Variants in KRTAP10-3 observed in about 807,000 individuals in gnomAD.
KRTAP10-3 encodes keratin associated protein 10-3, also known as keratin-associated protein 10-3.
For synonymous variants in KRTAP10-3, 151 were observed against 126.2 expected, an observed-to-expected ratio of 1.20 and a Z score of -1.32; for missense variants, 341 against 293.4, an observed-to-expected ratio of 1.16 and a Z score of -1.19.
chr21:44,558,441 G>A lies in KRTAP10-3; in HGVS notation c.275C>T (p.Ser92Phe). ...QSSCQPACCT[S>F]SPCQQACCVP... ...GCAGCAGGCCTGCTGGCAGGGGGAG[G>A]ATGTGCAGCAAGCTGGCTGGCAGCT... Residue 92 changes from serine (S) to phenylalanine (F), a missense_variant, in exon 1 of 1, where the codon TCC becomes TTC. Ser to Phe is a radical substitution (Grantham distance 155). Transcript: ENST00000391620. 6.2e-7 allele frequency: 1 copy of A among 1,614,118 alleles called. No homozygotes were observed. Among genetic ancestry groups the A allele is most frequent in the Non-Finnish European group, 8.5e-7 (1 of 1,179,972 alleles).
Position 44,558,310 on chromosome 21 carries a change from ATG to A in KRTAP10-3, c.404_405del (p.Ser135LeufsTer6), listed in dbSNP as rs1569185256. The A allele has an allele frequency of 1.7e-5, 28 of 1,614,092 alleles. No homozygotes were observed. Among genetic ancestry groups the A allele is most frequent in the Non-Finnish European group, 2.3e-5 (27 of 1,179,968 alleles). On this transcript the variant is annotated frameshift_variant, in exon 1 of 1. Coordinates refer to ENST00000391620, the MANE Select transcript of KRTAP10-3 (RefSeq NM_198696.3). LOFTEE classifies it low-confidence loss of function (END_TRUNC). Reference protein sequence around the residue: ...CVPVCSGASSSCCQQSSRQPA... With the variant: ...CVPVCSGASSXCCQQSSRQPA... ...GGCTGGCGGCTAGACTGCTGGCAGC[ATG>A]AAGAGGAAGCCCCAGAGCAGACGGG...
Position 44,558,128 on chromosome 21 carries a change from G to A in KRTAP10-3, c.588C>T (p.Ser196=), listed in dbSNP as rs2053566642. ...PSCCRPASCV[S]LLCRPTCSRL... ...GGGAGCACGTGGGGCGGCAGAGGAGGGACACGCAGGAGGCCGGGCGGCAGC... is the reference window on the plus strand; with the variant it reads ...GGGAGCACGTGGGGCGGCAGAGGAGAGACACGCAGGAGGCCGGGCGGCAGC... The change falls in exon 1 of 1, where the codon TCC becomes TCT. Residue 196 remains serine, a synonymous_variant. Transcript: ENST00000391620. 6.2e-7 allele frequency: 1 copy of A among 1,613,144 alleles called. No homozygotes were observed. Among genetic ancestry groups the A allele is most frequent in the Non-Finnish European group, 8.5e-7 (1 of 1,179,552 alleles).
rs920967139 is a variant in KRTAP10-3 at position 44,558,690 on chromosome 21, C to A, written c.26G>T (p.Cys9Phe). 3 of 1,611,114 alleles carry A rather than the reference C, an allele frequency of 1.9e-6. No individual in the cohort carries two copies. In the African/African-American group the frequency reaches 4.0e-5, roughly 22 times the overall value. ...CCAGGAGTCAGAGTAAGCGCTGGAG[C>A]AGACGGACATGGTAGACGTGGCCAT... is the stretch of plus-strand genomic sequence containing the variant. MATSTMSV[C>F]SSAYSDSWQV... The change falls in exon 1 of 1, where the codon TGC becomes TTC. Residue 9 changes from cysteine to phenylalanine, a missense_variant. By Grantham distance (205) the Cys-to-Phe change is radical. Transcript: ENST00000391620.
In KRTAP10-3 at chr21:44,558,295, T is replaced by C. The variant is rs2053573072; in HGVS notation, c.421A>G (p.Ser141Gly). The C allele has an allele frequency of 1.2e-6, 2 of 1,613,904 alleles. No individual in the cohort carries two copies. Among genetic ancestry groups the C allele is most frequent in the African/African-American group, 2.7e-5 (2 of 74,884 alleles). ...GASSSCCQQSSRQPACCTTSC... is the reference protein window; with the variant it reads ...GASSSCCQQSGRQPACCTTSC... ...GTGGTGCAGCAAGCCGGCTGGCGGC[T>C]AGACTGCTGGCAGCATGAAGAGGAA... The change falls in exon 1 of 1, where the codon AGC (serine) becomes GGC (glycine). Residue 141 changes from serine (S) to glycine (G), a missense_variant. By Grantham distance (56) the Ser-to-Gly change is moderately conservative. Coordinates refer to ENST00000391620, the MANE Select transcript of KRTAP10-3 (RefSeq NM_198696.3).
At position 44,558,635 on chromosome 21, in the gene KRTAP10-3, A is replaced by G. The variant is rs59607155; in HGVS notation, c.81T>C (p.Cys27=). ...WQVDACPESC[C]EPPCCATSCC... is the part of the protein sequence containing the mutation. The stretch of plus-strand genomic sequence containing the variant: ...AGCTGGTGGCGCAGCAGGGGGGCTC[A>G]CAGCAGCTCTCTGGGCAGGCGTCCA... The change falls in exon 1 of 1, where the codon TGT becomes TGC. Residue 27 remains cysteine (C), a synonymous_variant. Transcript: ENST00000391620. 7,094 of 1,612,766 alleles carry G rather than the reference A, an allele frequency of 4.4e-3. 148 individuals carry two copies. The African/African-American group carries it at 0.063, about 14-fold the overall frequency.
Position 44,558,130 on chromosome 21 carries a change from A to G in KRTAP10-3, c.586T>C (p.Ser196Pro). The change falls in exon 1 of 1, where the codon TCC becomes CCC. Residue 196 changes from serine to proline, a missense_variant. By Grantham distance (74) the Ser-to-Pro change is moderately conservative (BLOSUM62 -1). Coordinates refer to ENST00000391620, the MANE Select transcript of KRTAP10-3 (RefSeq NM_198696.3). ...GAGCACGTGGGGCGGCAGAGGAGGG[A>G]CACGCAGGAGGCCGGGCGGCAGCAG... ...PSCCRPASCV[S>P]LLCRPTCSRL... 4 of 1,612,908 alleles carry G rather than the reference A, an allele frequency of 2.5e-6. No individual in the cohort carries two copies. The highest frequency in any genetic ancestry group is 3.4e-6 in the Non-Finnish European group (4 of 1,179,510).
chr21:44,558,392 G>C lies in KRTAP10-3; in HGVS notation c.324C>G (p.Val108=), dbSNP rs587773916. ...GCTTGCAGCAGACGGGCACACAGCA[G>C]ACTGGCTTGCAGCAGACAGGCACGC... The part of the protein sequence containing the change: ...ACCVPVCCKP[V]CCVPVCCKPV... The change falls in exon 1 of 1, where the codon GTC becomes GTG. Residue 108 remains valine (V), a synonymous_variant. Coordinates refer to ENST00000391620, the MANE Select transcript of KRTAP10-3 (RefSeq NM_198696.3). 1.4e-4 allele frequency: 231 copies of C among 1,613,212 alleles called. No homozygotes were observed. In the South Asian group the frequency reaches 1.8e-3, roughly 12 times the overall value.
At position 44,558,489 on chromosome 21, in the gene KRTAP10-3, G is replaced by A. The variant is rs144695928; in HGVS notation, c.227C>T (p.Thr76Met). The change falls in exon 1 of 1, where the codon ACG becomes ATG. Residue 76 changes from threonine (T) to methionine (M), a missense_variant. Transcript: ENST00000391620. ...PCQSGCTSSC[T>M]PSCCQQSSCQ... ...GCTAGACTGCTGGCAGCACGAGGGC[G>A]TGCAGGAGCTGGTGCAGCCTGACTG... 5.3e-4 allele frequency: 852 copies of A among 1,613,976 alleles called. 4 individuals are homozygous for A. In the African/African-American group the frequency reaches 9.0e-3, roughly 17 times the overall value.
Position 44,557,801 on chromosome 21 carries a change from G to C in KRTAP10-3, c.*249C>G. 1.8e-6 allele frequency: 1 copy of C among 559,468 alleles called. No individual in the cohort carries two copies. The highest frequency in any genetic ancestry group is 3.1e-6 in the Non-Finnish European group (1 of 318,084). 34.7% of individuals were successfully genotyped at this position (559,468 alleles called of 1,614,324 possible). A position where few individuals can be genotyped will look rare whatever the true frequency, so the allele number is the denominator to read the frequency against. Reference sequence around the variant, plus strand: ...AAAAAGACCTCTGAGAGGGCACATTGGTGACTTTATTTGTTGACAGACTGA... The same window carrying C: ...AAAAAGACCTCTGAGAGGGCACATTCGTGACTTTATTTGTTGACAGACTGA... On this transcript the variant is annotated 3_prime_UTR_variant, in exon 1 of 1. Transcript: ENST00000391620.
rs781969553 is a variant in KRTAP10-3, at chr21:44,558,632, C to G, written c.84G>C (p.Glu28Asp). Residue 28 changes from glutamate (E) to aspartate (D), a missense_variant, in exon 1 of 1, where the codon GAG becomes GAC. Physicochemically the swap from Glu to Asp is conservative, Grantham distance 45 (BLOSUM62 2). Coordinates refer to ENST00000391620, the MANE Select transcript of KRTAP10-3 (RefSeq NM_198696.3). ...AGCAGCTGGTGGCGCAGCAGGGGGGCTCACAGCAGCTCTCTGGGCAGGCGT... is the reference window on the plus strand; with the variant it reads ...AGCAGCTGGTGGCGCAGCAGGGGGGGTCACAGCAGCTCTCTGGGCAGGCGT... Reference protein sequence around the residue: ...QVDACPESCCEPPCCATSCCA... With the variant: ...QVDACPESCCDPPCCATSCCA... 1.2e-6 allele frequency: 2 copies of G among 1,612,868 alleles called. No homozygotes were observed. Among genetic ancestry groups the G allele is most frequent in the Non-Finnish European group, 1.7e-6 (2 of 1,179,718 alleles).
In KRTAP10-3 at chr21:44,558,782, T is replaced by G; in HGVS notation, c.-67A>C. 1 of 1,533,474 alleles carries G rather than the reference T, an allele frequency of 6.5e-7. No homozygotes were observed. The highest frequency in any genetic ancestry group is 8.8e-7 in the Non-Finnish European group (1 of 1,134,994). 95.0% of individuals were successfully genotyped at this position (1,533,474 alleles called of 1,614,324 possible). A position where few individuals can be genotyped will look rare whatever the true frequency, so the allele number is the denominator to read the frequency against. On this transcript the variant is annotated 5_prime_UTR_variant, in exon 1 of 1. Transcript: ENST00000391620. ...GTGAGTGTGGGAGTGAGTGAGGGAG[T>G]GAGTGAGTGATCGTGCCAGGCCTCT...
rs781818625 is a variant in KRTAP10-3, at chr21:44,558,613, TGGTGGCGCAGCAG to T, written c.90_102del (p.Cys31AlafsTer9). The T allele has an allele frequency of 1.4e-3, 2,314 of 1,610,600 alleles. 9 individuals are homozygous for T. The highest frequency in any genetic ancestry group is 4.1e-3 in the South Asian group (368 of 90,798). ...AGGCAGGGGGCCGGGGCGCAGCAGC[TGGTGGCGCAGCAG>T]GGGGGCTCACAGCAGCTCTCTGGGC... is the stretch of plus-strand genomic sequence containing the variant. On this transcript the variant is annotated frameshift_variant, in exon 1 of 1. Coordinates refer to ENST00000391620, the MANE Select transcript of KRTAP10-3 (RefSeq NM_198696.3). LOFTEE classifies it low-confidence loss of function (END_TRUNC).
Position 44,558,789 on chromosome 21 carries a change from GTGAT to G in KRTAP10-3, c.-78_-75del. The stretch of plus-strand genomic sequence containing the variant: ...TGGGAGTGAGTGAGGGAGTGAGTGA[GTGAT>G]CGTGCCAGGCCTCTGAGTGGTCGGA... On this transcript the variant is annotated 5_prime_UTR_variant, in exon 1 of 1. Transcript: ENST00000391620. 1.3e-6 allele frequency: 2 copies of G among 1,531,522 alleles called. No individual in the cohort carries two copies. The highest frequency in any genetic ancestry group is 1.4e-5 in the African/African-American group (1 of 73,110). 94.9% of individuals were successfully genotyped at this position (1,531,522 alleles called of 1,614,324 possible).
rs448908 is a variant in KRTAP10-3, at chr21:44,558,704, A to G, written c.12T>C (p.Ser4=). 490,628 of 1,603,842 alleles carry G rather than the reference A, an allele frequency of 0.31. 77,961 individuals carry two copies. The highest frequency in any genetic ancestry group is 0.33 in the Non-Finnish European group (385,642 of 1,174,906). ...AAGCGCTGGAGCAGACGGACATGGTAGACGTGGCCATGCTGGGGTGGGGAG... is the reference window on the plus strand; with the variant it reads ...AAGCGCTGGAGCAGACGGACATGGTGGACGTGGCCATGCTGGGGTGGGGAG... MAT[S]TMSVCSSAYS... is the part of the protein sequence containing the mutation. The change falls in exon 1 of 1, where the codon TCT becomes TCC. Residue 4 remains serine (S), a synonymous_variant. Coordinates refer to ENST00000391620, the MANE Select transcript of KRTAP10-3 (RefSeq NM_198696.3).
In KRTAP10-3 at chr21:44,557,790, G is replaced by A. The variant is rs1482031877; in HGVS notation, c.*260C>T. The A allele has an allele frequency of 3.0e-5, 16 of 541,110 alleles. No homozygotes were observed. Among genetic ancestry groups the A allele is most frequent in the Non-Finnish European group, 4.9e-5 (15 of 307,122 alleles). 33.5% of individuals were successfully genotyped at this position (541,110 alleles called of 1,614,324 possible). A position where few individuals can be genotyped will look rare whatever the true frequency, so the allele number is the denominator to read the frequency against. ...CCAGATATGCAAAAAAGACCTCTGAGAGGGCACATTGGTGACTTTATTTGT... is the reference window on the plus strand; with the variant it reads ...CCAGATATGCAAAAAAGACCTCTGAAAGGGCACATTGGTGACTTTATTTGT... On this transcript the variant is annotated 3_prime_UTR_variant, in exon 1 of 1. Coordinates refer to ENST00000391620, the MANE Select transcript of KRTAP10-3 (RefSeq NM_198696.3).
In KRTAP10-3 at chr21:44,558,531, C is replaced by G; in HGVS notation, c.185G>C (p.Cys62Ser). The part of the protein sequence containing the change: ...CVSSPCCQAA[C>S]EPSPCQSGCT... ...GCCTGACTGGCAGGGGCTGGGCTCA[C>G]AGGCCGCCTGGCAGCAGGGGCTGGA... Residue 62 changes from cysteine (C) to serine (S), a missense_variant, in exon 1 of 1, where the codon TGT becomes TCT. Physicochemically the swap from Cys to Ser is moderately radical, Grantham distance 112. Coordinates refer to ENST00000391620, the MANE Select transcript of KRTAP10-3 (RefSeq NM_198696.3). The G allele has an allele frequency of 5.6e-6, 9 of 1,613,468 alleles. No homozygotes were observed. Among genetic ancestry groups the G allele is most frequent in the Non-Finnish European group, 7.6e-6 (9 of 1,179,814 alleles).
At position 44,557,969 on chromosome 21, in the gene KRTAP10-3, TCAGA is replaced by T. The variant is rs1446023391; in HGVS notation, c.*77_*80del. 4.7e-6 allele frequency: 7 copies of T among 1,505,330 alleles called. No homozygotes were observed. Among genetic ancestry groups the T allele is most frequent in the Non-Finnish European group, 5.4e-6 (6 of 1,114,464 alleles). The allele number at this position is 1,505,330 out of a possible 1,614,324, so 93.2% of individuals were successfully genotyped here. A position where few individuals can be genotyped will look rare whatever the true frequency, so the allele number is the denominator to read the frequency against. ...TGCAGTGGCTATGGGCAGAGGAGAC[TCAGA>T]CAGGGCTCAGGGCTGCAAGGATTTT... On this transcript the variant is annotated 3_prime_UTR_variant, in exon 1 of 1. Coordinates refer to ENST00000391620, the MANE Select transcript of KRTAP10-3 (RefSeq NM_198696.3).
Position 44,558,596 on chromosome 21 carries a change from G to A in KRTAP10-3, c.120C>T (p.Ala40=). 2 of 1,611,806 alleles carry A rather than the reference G, an allele frequency of 1.2e-6. No homozygotes were observed. Among genetic ancestry groups the A allele is most frequent in the South Asian group, 1.1e-5 (1 of 90,900 alleles). ...PCCATSCCAP[A]PCLTLVCTPV... ...GGGTGCAGACCAGGGTCAGGCAGGG[G>A]GCCGGGGCGCAGCAGCTGGTGGCGC... is the stretch of plus-strand genomic sequence containing the variant. Residue 40 remains alanine, a synonymous_variant, in exon 1 of 1, where the codon GCC becomes GCT. Coordinates refer to ENST00000391620, the MANE Select transcript of KRTAP10-3 (RefSeq NM_198696.3).
Position 44,558,627 on chromosome 21 carries a change from G to T in KRTAP10-3, c.89C>A (p.Pro30His), listed in dbSNP as rs377599185. ...DACPESCCEP[P>H]CCATSCCAPA... The stretch of plus-strand genomic sequence containing the variant: ...GGCGCAGCAGCTGGTGGCGCAGCAG[G>T]GGGGCTCACAGCAGCTCTCTGGGCA... The change falls in exon 1 of 1, where the codon CCC becomes CAC. Residue 30 changes from proline to histidine, a missense_variant. Transcript: ENST00000391620. 38 of 1,611,448 alleles carry T rather than the reference G, an allele frequency of 2.4e-5. No individual in the cohort carries two copies. In the East Asian group the frequency reaches 3.3e-4, roughly 14 times the overall value.
Sources: allele counts gnomAD v4.1 joint callset, GRCh38; gene constraint gnomAD v4.1.1; transcripts MANE v1.5; gene names NCBI Gene and HGNC (gene_info 2026-07-23, HGNC 2026-07-21).